The following HDGFL2 variants were observed in gnomAD, a reference collection of about 807,000 sequenced individuals.
HDGFL2 encodes the protein HDGF like 2, also known as hepatoma-derived growth factor-related protein 2.
Under a neutral mutation model 77.1 loss-of-function variants are expected in HDGFL2, and 36 were observed. The observed-to-expected ratio is 0.47, with a 90% CI of 0.36 to 0.62. HDGFL2 has a LOEUF of 0.62. Ranked by LOEUF, HDGFL2 falls within the 20% of genes least tolerant of loss-of-function variation. The probability of loss-of-function intolerance (pLI) is 0.00; values close to 1 mark genes in which losing one functional copy is unlikely to be tolerated. For missense variants in HDGFL2, 976 were observed against 973.4 expected (o/e 1.00, Z -0.04); for synonymous variants, 463 against 413.1 (o/e 1.12, Z -1.46).
chr19:4,501,571 A>G (rs942300233), intron 15 of HDGFL2: 14 of 489,028 alleles, frequency 2.9e-5, no homozygotes, highest in African/African-American at 2.6e-4. Flanking sequence ...CTTCTTGCCG[A>G]GCCTCCAGGG....
intron 3 of HDGFL2, among the ~76,000 whole-genome samples, chr19:4,484,666 ATTTTTTTT>A (rs71168907): frequency 1.3e-4 from 10 of 74,116 alleles, no homozygotes; most frequent in Admixed American, 3.7e-4. Flanking sequence ...CGCCTGGCTA[ATTTTTTTT>A]TTTTTTTTTT....
In HDGFL2 at chr19:4,498,707, C is replaced by G. The variant is rs933951760; in HGVS notation, c.1474-107C>G. Reference sequence around the variant, plus strand: ...GAGGGGAGCTGTTCTGCAGATACAGCTCCCCTCAAGGAGAGCCCAGGATGT... The same window carrying G: ...GAGGGGAGCTGTTCTGCAGATACAGGTCCCCTCAAGGAGAGCCCAGGATGT... On this transcript the variant is annotated intron_variant, in intron 12 of 15. Coordinates refer to ENST00000616600, the MANE Select transcript of HDGFL2 (RefSeq NM_001001520.3). 2.3e-5 allele frequency: 17 copies of G among 730,960 alleles called. No individual in the cohort carries two copies. In the South Asian group the frequency reaches 2.4e-4, roughly 10 times the overall value. The allele number at this position is 730,960 out of a possible 1,614,324, so 45.3% of individuals were successfully genotyped here.
intron 11 of HDGFL2, 65 bp downstream of exon 11, chr19:4,498,096 CGTGGCTGGCCT>C: frequency 7.0e-7 from 1 of 1,429,068 alleles, no homozygotes; most frequent in East Asian, 2.5e-5. Flanking sequence ...ACAGCCGTGG[CGTGGCTGGCCT>C]GTCCCGCCTG....
intron 15 of HDGFL2, 51 bp downstream of exon 15, chr19:4,501,368 C>G: frequency 6.5e-7 from 1 of 1,537,128 alleles, no homozygotes; most frequent in Middle Eastern, 2.3e-4. Flanking sequence ...AGCGGTGTGA[C>G]GCGCACCCTG....
intron 3 of HDGFL2, among the ~76,000 whole-genome samples, chr19:4,481,094 T>C (rs1441288069): frequency 6.6e-6 from 1 of 151,498 alleles, no homozygotes; most frequent in Non-Finnish European, 1.5e-5. Flanking sequence ...CGGTCTCTGC[T>C]CACTACAAGC....
intron 1 of HDGFL2, among the ~76,000 whole-genome samples, chr19:4,472,937 T>G: frequency 7.7e-6 from 1 of 130,464 alleles, no homozygotes; most frequent in East Asian, 2.4e-4. Context: ...CGCCTAGGGG[T>G]TCTGAGGGTG....
chr19:4,490,640 C>A (rs1044576767), intron 4 of HDGFL2, among the ~76,000 whole-genome samples: 2 of 152,130 alleles, frequency 1.3e-5, no homozygotes, highest in African/African-American at 4.8e-5. Context: ...GCAGCAAATT[C>A]TTTTGATAGA....
intron 3 of HDGFL2, among the ~76,000 whole-genome samples, chr19:4,484,380 G>A (rs10417014): frequency 0.51 from 77,995 of 151,952 alleles, 20,512 homozygotes; most frequent in African/African-American, 0.61. Flanking sequence ...CACCACGCCC[G>A]GCCTGTTTTA....
chr19:4,485,296 G>A (rs550316522), intron 3 of HDGFL2, among the ~76,000 whole-genome samples: 26 of 152,288 alleles, frequency 1.7e-4, no homozygotes, highest in African/African-American at 5.8e-4. Context: ...TCAGCTGAGC[G>A]TGGCATCCTC....
intron 10 of HDGFL2, chr19:4,496,940 C>G (rs1380594665): frequency 1.3e-5 from 5 of 392,718 alleles, no homozygotes; most frequent in Non-Finnish European, 2.5e-5. Context: ...ATGGCGTGAT[C>G]TCAGCTCACT....
At chr19:4,480,610 TC>T (rs1937740633) in intron 3 of HDGFL2, among the ~76,000 whole-genome samples, 1 of 152,078 alleles carries the variant, frequency 6.6e-6, no homozygotes, top group South Asian at 2.1e-4. Context: ...TCCCAGCTAC[TC>T]GGGAGGCTGA....
At chr19:4,496,240 G>C in intron 9 of HDGFL2, 62 bp from the exon 10 acceptor site, 1 of 1,363,156 alleles carries the variant, frequency 7.3e-7, no homozygotes, top group Non-Finnish European at 1.0e-6. Context: ...AGTGGGATGG[G>C]CTAGGGGTCT....
chr19:4,501,685 CACTT>C lies in HDGFL2; in HGVS notation c.1917-223_1917-220del, dbSNP rs1269251229. On this transcript the variant is annotated intron_variant, in intron 15 of 15. Coordinates refer to ENST00000616600, the MANE Select transcript of HDGFL2 (RefSeq NM_001001520.3). ...TGGTACAAGGCTCAGTGGAGTCACT[CACTT>C]ACCCAGCAGCTGCCTTGTGCTATGC... The C allele has an allele frequency of 1.2e-5, 6 of 505,492 alleles. No individual in the cohort carries two copies. The South Asian group carries it at 1.3e-4, about 11-fold the overall frequency. The allele number at this position is 505,492 out of a possible 1,614,324, so 31.3% of individuals were successfully genotyped here. A position where few individuals can be genotyped will look rare whatever the true frequency, so the allele number is the denominator to read the frequency against.
chr19:4,500,440 T>C (rs949156745), intron 14 of HDGFL2, among the ~76,000 whole-genome samples: 2 of 143,530 alleles, frequency 1.4e-5, no homozygotes, highest in Non-Finnish European at 3.0e-5. Context: ...CCTACACCAC[T>C]ATGCCCTGCT....
chr19:4,494,642 G>A (rs780406228), intron 9 of HDGFL2, among the ~76,000 whole-genome samples, 167 bp downstream of exon 9: 2 of 152,220 alleles, frequency 1.3e-5, no homozygotes, highest in Non-Finnish European at 2.9e-5. Context: ...GGAGGGGGCC[G>A]GGCTTGGTGG....
In HDGFL2 at chr19:4,498,817, G is replaced by A; in HGVS notation, c.1477G>A (p.Val493Met). The A allele has an allele frequency of 1.2e-6, 2 of 1,605,108 alleles. No individual in the cohort carries two copies. The highest frequency in any genetic ancestry group is 8.5e-7 in the Non-Finnish European group (1 of 1,175,244). Residue 493 changes from valine (V) to methionine (M), a missense_variant, in exon 13 of 16, where the codon GTG becomes ATG. By Grantham distance (21) the Val-to-Met change is conservative. Transcript: ENST00000616600. ...TCACTCCCACCCCACCCTGCAGGAC[G>A]TGAAGAGGTGCCTGAATGCCCTAGA... ...KFALKVDSPD[V>M]KRCLNALEEL...
rs760612949 is a variant in HDGFL2 at position 4,498,387 on chromosome 19, CAG to C, written c.1473+12_1473+13del. ...AAGGTCGACAGCCCGGTAAGACCCTCAGGGCCTGTGAGCCAAGCAGTCCCCGC... is the reference window on the plus strand; with the variant it reads ...AAGGTCGACAGCCCGGTAAGACCCTCGGCCTGTGAGCCAAGCAGTCCCCGC... On this transcript the variant is annotated intron_variant, in intron 12 of 15. Coordinates refer to ENST00000616600, the MANE Select transcript of HDGFL2 (RefSeq NM_001001520.3). The C allele has an allele frequency of 3.1e-6, 5 of 1,609,240 alleles. No individual in the cohort carries two copies. The highest frequency in any genetic ancestry group is 4.3e-6 in the Non-Finnish European group (5 of 1,176,122).
chr19:4,487,760 G>T (rs1023273357), intron 3 of HDGFL2, among the ~76,000 whole-genome samples: 14 of 152,104 alleles, frequency 9.2e-5, no homozygotes, highest in South Asian at 4.1e-4. Flanking sequence ...GCAAACGTTG[G>T]CTCAGTGTGT....
At chr19:4,477,544 C>T (rs1006783995) in intron 3 of HDGFL2, among the ~76,000 whole-genome samples, 1 of 152,228 alleles carries the variant, frequency 6.6e-6, no homozygotes, top group South Asian at 2.1e-4. Flanking sequence ...CTTTTTCTGG[C>T]CCCAGGTCAA....
Sources: gnomAD v4.1 joint callset for allele counts (sites outside exome capture counted in the v4.1 genomes callset) on GRCh38, gnomAD v4.1.1 for gene constraint, MANE v1.5 for transcripts, NCBI Gene and HGNC (gene_info 2026-07-23, HGNC 2026-07-21) for gene names.